ROBO2: variants seen among roughly 807,000 people sequenced by gnomAD.
ROBO2 encodes roundabout guidance receptor 2.
A neutral mutation model predicts 160.8 loss-of-function variants in ROBO2; 53 were observed. That is an observed-to-expected ratio of 0.33 (90% CI 0.26 to 0.41). The LOEUF is 0.41. Ranked by LOEUF, ROBO2 falls within the 10% of genes least tolerant of loss-of-function variation. ROBO2 has a pLI of 1.00. For missense variants in ROBO2, 1,577 were observed against 1,722.4 expected (o/e 0.92, Z 1.49); for synonymous variants, 664 against 611.7 (o/e 1.09, Z -1.26).
chr3:76,132,724 C>G (rs565953631), intron 2 of ROBO2, among the ~76,000 whole-genome samples: 1 of 152,150 alleles, frequency 6.6e-6, no homozygotes, highest in South Asian at 2.1e-4. Context: ...AGATTAATGT[C>G]AGTTCTCTTA....
chr3:77,057,639 C>T (rs990136349), intron 1 of ROBO2, among the ~76,000 whole-genome samples: 8 of 127,850 alleles, frequency 6.3e-5, no homozygotes, highest in African/African-American at 2.4e-4. Flanking sequence ...GGCATGATCT[C>T]GGCTCACTGC....
At chr3:76,941,243 T>C (rs1450436541) in intron 2 of ROBO2, among the ~76,000 whole-genome samples, 1 of 152,206 alleles carries the variant, frequency 6.6e-6, no homozygotes, top group Non-Finnish European at 1.5e-5. Flanking sequence ...GCTGTTTACT[T>C]GGCTTCCTTG....
At position 76,887,193 on chromosome 3, in the gene ROBO2, CATTTT is replaced by C. The variant is rs1411699866; in HGVS notation, c.110-210820_110-210816del. Among the ~76,000 whole-genome samples the C allele has an allele frequency of 4.5e-4, 54 of 120,450 alleles. 1 individual carries two copies. Among genetic ancestry groups the C allele is most frequent in the Non-Finnish European group, 7.7e-4 (47 of 60,806 alleles). The allele number at this position is 120,450 out of a possible 152,430, so 79.0% of individuals were successfully genotyped here. A position where few individuals can be genotyped will look rare whatever the true frequency, so the allele number is the denominator to read the frequency against. On this transcript the variant is annotated intron_variant, in intron 2 of 26. Transcript: ENST00000487694. ...ATTGCCCTGCCTTTGCTTCAGGAAG[CATTTT>C]TTTTTTTTTTTTTTTTTTTTTTGGT...
intron 2 of ROBO2, among the ~76,000 whole-genome samples, chr3:76,415,244 G>A (rs2108872216): frequency 6.6e-6 from 1 of 152,228 alleles, no homozygotes; most frequent in Middle Eastern, 3.4e-3. Context: ...CTGAGGCAAT[G>A]GGACTTCAAC....
chr3:76,046,201 T>G (rs2067441388), intron 2 of ROBO2, among the ~76,000 whole-genome samples: 1 of 152,042 alleles, frequency 6.6e-6, no homozygotes, highest in African/African-American at 2.4e-5. Flanking sequence ...CCGGTCCTTG[T>G]CAGGGACTAT....
chr3:77,437,836 C>T (rs2079460472), intron 2 of ROBO2, among the ~76,000 whole-genome samples: 1 of 151,946 alleles, frequency 6.6e-6, no homozygotes, highest in African/African-American at 2.4e-5. Flanking sequence ...TGTGAATACA[C>T]CCTGTCCTCT....
At chr3:76,594,345 T>G (rs2086607829) in intron 2 of ROBO2, among the ~76,000 whole-genome samples, 1 of 152,024 alleles carries the variant, frequency 6.6e-6, no homozygotes, top group African/African-American at 2.4e-5. Flanking sequence ...GTGGTACAAT[T>G]ATAAGACATC....
intron 2 of ROBO2, among the ~76,000 whole-genome samples, chr3:76,378,160 A>C (rs1232639070): frequency 6.6e-6 from 1 of 152,202 alleles, no homozygotes; most frequent in East Asian, 1.9e-4. Context: ...TTAGATGAAT[A>C]AACCTTACAA....
intron 2 of ROBO2, among the ~76,000 whole-genome samples, chr3:76,349,338 A>G (rs146812713): frequency 1.3e-5 from 2 of 152,242 alleles, no homozygotes; most frequent in African/African-American, 4.8e-5. Flanking sequence ...AATAGCAGGC[A>G]TTAATTAAAC....
chr3:77,525,956 A>C (rs1015500815), intron 6 of ROBO2, among the ~76,000 whole-genome samples: 1 of 151,404 alleles, frequency 6.6e-6, no homozygotes, highest in Non-Finnish European at 1.5e-5. Context: ...GAGAAACTCC[A>C]TCTGTTAGAA....
At chr3:76,562,961 T>G (rs2084293466) in intron 2 of ROBO2, among the ~76,000 whole-genome samples, 1 of 152,072 alleles carries the variant, frequency 6.6e-6, no homozygotes, top group Non-Finnish European at 1.5e-5. Flanking sequence ...CCTTCCTTCT[T>G]TCTTCTCCCT....
intron 21 of ROBO2, among the ~76,000 whole-genome samples, chr3:77,608,580 T>C (rs1189208417): frequency 2.0e-5 from 3 of 152,172 alleles, no homozygotes; most frequent in Non-Finnish European, 4.4e-5. Flanking sequence ...CAAGAGTTAG[T>C]TTTCCTCTGT....
At chr3:76,960,161 T>A (rs1314216780) in intron 2 of ROBO2, among the ~76,000 whole-genome samples, 1 of 147,780 alleles carries the variant, frequency 6.8e-6, no homozygotes, top group Non-Finnish European at 1.5e-5. Flanking sequence ...ACAAAAACCT[T>A]AGAGGTTAAG....
chr3:76,183,675 A>T (rs2107120466), intron 2 of ROBO2, among the ~76,000 whole-genome samples: 1 of 152,158 alleles, frequency 6.6e-6, no homozygotes, highest in East Asian at 1.9e-4. Context: ...CAAGCAGAAA[A>T]TTTAAGGATA....
chr3:76,226,204 A>G (rs1704273140), intron 2 of ROBO2, among the ~76,000 whole-genome samples: 1 of 152,216 alleles, frequency 6.6e-6, no homozygotes, highest in African/African-American at 2.4e-5. Flanking sequence ...AAATCTGTTT[A>G]ACATTAGAGA....
chr3:77,449,473 C>A (rs6777631), intron 2 of ROBO2, among the ~76,000 whole-genome samples: 50,057 of 151,746 alleles, frequency 0.33, 9,655 homozygotes, highest in African/African-American at 0.54. Flanking sequence ...AATATGCGTT[C>A]ATTTTAATCA....
At chr3:76,705,557 G>A (rs1028869500) in intron 2 of ROBO2, among the ~76,000 whole-genome samples, 1 of 152,086 alleles carries the variant, frequency 6.6e-6, no homozygotes, top group African/African-American at 2.4e-5. Flanking sequence ...GCGAGTGATT[G>A]AGGACCTTCA....
chr3:77,291,717 A>C (rs1255973639), intron 2 of ROBO2, among the ~76,000 whole-genome samples: 1 of 152,008 alleles, frequency 6.6e-6, no homozygotes, highest in East Asian at 2.0e-4. Flanking sequence ...GACATAAAGT[A>C]AAATTGACAG....
exon 25 of ROBO2, chr3:77,644,808 G>C (rs1241913400): frequency 1.2e-6 from 2 of 1,613,976 alleles, no homozygotes; most frequent in African/African-American, 1.3e-5. Context: ...TAGGAAAACC[G>C]AGGTGTTGAG....
Sources: gnomAD v4.1 joint callset for allele counts (sites outside exome capture counted in the v4.1 genomes callset) on GRCh38, gnomAD v4.1.1 for gene constraint, MANE v1.5 for transcripts, NCBI Gene and HGNC (gene_info 2026-07-23, HGNC 2026-07-21) for gene names.